Variants in VAC14 observed in about 807,000 individuals in gnomAD.
The protein encoded by VAC14 is VAC14 component of PIKFYVE complex, also known as protein VAC14 homolog.
VAC14 carries 47 observed loss-of-function variants against 85.3 expected under a neutral mutation model. The observed-to-expected ratio is 0.55, with a 90% CI of 0.44 to 0.70. The LOEUF (loss-of-function observed/expected upper bound fraction) is 0.70. VAC14 is among the 30% of genes least tolerant of loss of function. The pLI is 0.00. For missense variants in VAC14, 861 were observed against 1,004.3 expected, an observed-to-expected ratio of 0.86 and a Z score of 1.93; for synonymous variants, 447 against 430.5, an observed-to-expected ratio of 1.04 and a Z score of -0.47.
In VAC14 at chr16:70,786,307, T is replaced by C; in HGVS notation, c.163A>G (p.Thr55Ala). 1 of 1,614,110 alleles carries C rather than the reference T, an allele frequency of 6.2e-7. No homozygotes were observed. The highest frequency in any genetic ancestry group is 8.5e-7 in the Non-Finnish European group (1 of 1,180,014). ...NTVQIKHVIQTLSQEFALSQH... is the reference protein window; with the variant it reads ...NTVQIKHVIQALSQEFALSQH... ...GACAGGGCAAACTCCTGGGACAGGG[T>C]CTGGATCACATGCTTGATTTGCACG... Residue 55 changes from threonine (T) to alanine (A), a missense_variant, in exon 2 of 19, where the codon ACC (threonine) becomes GCC (alanine). Thr to Ala is a moderately conservative substitution (Grantham distance 58, BLOSUM62 0). Around this residue, in one of 3 missense-constraint regions of VAC14, gnomAD observed 629 missense variants for 703.1 expected, o/e 0.89. Coordinates refer to ENST00000261776, the MANE Select transcript of VAC14 (RefSeq NM_018052.5).
intron 15 of VAC14, among the ~76,000 whole-genome samples, chr16:70,697,855 G>A (rs1225699823): frequency 6.6e-6 from 1 of 152,178 alleles, no homozygotes; most frequent in Non-Finnish European, 1.5e-5. Flanking sequence ...CCCCAGACAT[G>A]GGCCTGGATA....
chr16:70,750,979 T>G (rs528395864), intron 12 of VAC14, among the ~76,000 whole-genome samples: 3 of 152,048 alleles, frequency 2.0e-5, no homozygotes, highest in South Asian at 2.1e-4. Flanking sequence ...TTCCCGAACA[T>G]AAAGTCCCAG....
chr16:70,689,292 T>TA lies in VAC14; in HGVS notation c.2187-1203_2187-1202insT, dbSNP rs889796880. The TA allele has an allele frequency of 2.2e-5, 22 of 985,374 alleles. No individual in the cohort carries two copies. In the Admixed American group the frequency reaches 3.7e-4, roughly 17 times the overall value. The allele number at this position is 985,374 out of a possible 1,614,324, so 61.0% of individuals were successfully genotyped here. ...AGCCCCAGCTTAGGTATCTGGCAGG[T>TA]GCCACTGTGGCTACAGTTCTGCCCC... On this transcript the variant is annotated intron_variant, in intron 18 of 18. Transcript: ENST00000261776.
At chr16:70,754,790 A>T (rs2031694359) in intron 12 of VAC14, among the ~76,000 whole-genome samples, 1 of 152,126 alleles carries the variant, frequency 6.6e-6, no homozygotes, top group African/African-American at 2.4e-5. Context: ...TATCTGTGGA[A>T]TTGAGGTGGG....
intron 9 of VAC14, among the ~76,000 whole-genome samples, chr16:70,774,932 A>G (rs2033446428): frequency 6.6e-6 from 1 of 151,244 alleles, no homozygotes; most frequent in South Asian, 2.1e-4. Context: ...TTGTATTATT[A>G]GTAGAGATGG....
intron 12 of VAC14, among the ~76,000 whole-genome samples, chr16:70,749,174 C>T (rs1231183027): frequency 6.6e-6 from 1 of 152,210 alleles, no homozygotes; most frequent in African/African-American, 2.4e-5. Flanking sequence ...TCTGGTCCCA[C>T]AGCTGAGCTG....
At chr16:70,753,434 A>C (rs1347711465) in intron 12 of VAC14, among the ~76,000 whole-genome samples, 1 of 152,214 alleles carries the variant, frequency 6.6e-6, no homozygotes, top group Non-Finnish European at 1.5e-5. Context: ...GGAAAAATCA[A>C]CACATGACTT....
chr16:70,689,823 T>C (rs1324596455), intron 18 of VAC14: 2 of 985,318 alleles, frequency 2.0e-6, no homozygotes, highest in African/African-American at 1.7e-5. Flanking sequence ...CCAGGCACAG[T>C]AACCTTGGGA....
At chr16:70,792,079 G>A (rs1265928829) in intron 1 of VAC14, among the ~76,000 whole-genome samples, 4 of 152,292 alleles carry the variant, frequency 2.6e-5, no homozygotes, top group East Asian at 3.9e-4. Context: ...CTTGGATGAC[G>A]CCTGAAGGAC....
chr16:70,756,005 CT>C (rs750442137), intron 12 of VAC14: 10 of 456,742 alleles, frequency 2.2e-5, no homozygotes, highest in South Asian at 1.5e-4. Context: ...AATTAAATCC[CT>C]TTAAAGCAGG....
At chr16:70,724,056 C>G (rs2054360735) in intron 14 of VAC14, among the ~76,000 whole-genome samples, 1 of 152,224 alleles carries the variant, frequency 6.6e-6, no homozygotes, top group South Asian at 2.1e-4. Flanking sequence ...TGCTCAAAGC[C>G]CAGTGGACCC....
At chr16:70,730,775 G>A (rs540195529) in intron 14 of VAC14, among the ~76,000 whole-genome samples, 38 of 151,806 alleles carry the variant, frequency 2.5e-4, no homozygotes, top group African/African-American at 9.2e-4. Flanking sequence ...TTTTGTATAC[G>A]GCATCTTTTT....
chr16:70,798,877 C>T (rs1057202486), intron 1 of VAC14, among the ~76,000 whole-genome samples: 1 of 152,204 alleles, frequency 6.6e-6, no homozygotes, highest in Non-Finnish European at 1.5e-5. Flanking sequence ...CTGTCAAGTG[C>T]TGCCAGGCTA....
At chr16:70,793,949 C>T (rs148632304) in intron 1 of VAC14, among the ~76,000 whole-genome samples, 48 of 152,222 alleles carry the variant, frequency 3.2e-4, no homozygotes, top group African/African-American at 1.2e-3. Flanking sequence ...TAGAAATGAG[C>T]AGATATGACG....
At chr16:70,786,855 C>T (rs1038978052) in intron 1 of VAC14, among the ~76,000 whole-genome samples, 4 of 152,160 alleles carry the variant, frequency 2.6e-5, no homozygotes, top group Non-Finnish European at 5.9e-5. Context: ...ATCACAGAAG[C>T]AAGAAAAGGC....
intron 13 of VAC14, among the ~76,000 whole-genome samples, chr16:70,736,224 T>C (rs1440392401): frequency 6.6e-6 from 1 of 152,184 alleles, no homozygotes; most frequent in Non-Finnish European, 1.5e-5. Flanking sequence ...AGAGCCCCTA[T>C]TAAATGAGAT....
At chr16:70,704,192 G>T (rs1344556632) in intron 14 of VAC14, among the ~76,000 whole-genome samples, 2 of 152,232 alleles carry the variant, frequency 1.3e-5, no homozygotes, top group Admixed American at 1.3e-4. Context: ...GAGGAGTAAG[G>T]TGTCAACTGG....
chr16:70,688,148 G>A (rs931616414), intron 18 of VAC14, 58 bp from the exon 19 acceptor site: 90 of 1,428,716 alleles, frequency 6.3e-5, no homozygotes, highest in Admixed American at 4.0e-4. Flanking sequence ...GGGGGTTACT[G>A]CTGGAGGGCA....
intron 13 of VAC14, among the ~76,000 whole-genome samples, chr16:70,743,469 C>T (rs746259740): frequency 7.9e-5 from 12 of 152,156 alleles, no homozygotes; most frequent in East Asian, 1.9e-4. Context: ...TCTTTGAGTC[C>T]GCACCACTTT....
Sources: gnomAD v4.1 joint callset for allele counts (sites outside exome capture counted in the v4.1 genomes callset) on GRCh38, gnomAD v4.1.1 for gene constraint, gnomAD v4.1.1 regional missense constraint, MANE v1.5 for transcripts, NCBI Gene and HGNC (gene_info 2026-07-23, HGNC 2026-07-21) for gene names.